Variants in ADGRL2 observed in about 807,000 individuals in gnomAD.
The protein encoded by ADGRL2 is adhesion G protein-coupled receptor L2.
ADGRL2 carries 44 observed loss-of-function variants against 157.4 expected under a neutral mutation model. The observed-to-expected ratio is 0.28, with a 90% confidence interval of 0.22 to 0.36. ADGRL2 has a LOEUF of 0.36. Among genes scored for constraint, ADGRL2 ranks in the 10% least tolerant of loss-of-function variants. The probability of loss-of-function intolerance (pLI) is 1.00; values close to 1 mark genes in which losing one functional copy is unlikely to be tolerated. For missense variants in ADGRL2, 1,510 were observed against 1,768.9 expected (o/e 0.85, Z 2.63); for synonymous variants, 585 against 624.7 (o/e 0.94, Z 0.95).
chr1:81,497,601 T>A (rs933816172), intron 2 of ADGRL2, among the ~76,000 whole-genome samples: 2 of 152,190 alleles, frequency 1.3e-5, no homozygotes, highest in Non-Finnish European at 2.9e-5. Flanking sequence ...ATATCTAGAT[T>A]CAAATCCTAG....
At chr1:81,662,281 A>C (rs1428977250) in intron 3 of ADGRL2, among the ~76,000 whole-genome samples, 2 of 138,732 alleles carry the variant, frequency 1.4e-5, no homozygotes, top group Non-Finnish European at 3.0e-5. Context: ...CTTGAGACAG[A>C]GTCTCACTCT....
At chr1:81,787,364 T>C (rs1353248537) in intron 2 of ADGRL2, among the ~76,000 whole-genome samples, 3 of 152,104 alleles carry the variant, frequency 2.0e-5, no homozygotes, top group Admixed American at 2.0e-4. Flanking sequence ...ACTGAACAAG[T>C]CACATAAAAA....
intron 2 of ADGRL2, among the ~76,000 whole-genome samples, chr1:81,547,180 C>A (rs1323561744): frequency 6.6e-6 from 1 of 152,176 alleles, no homozygotes; most frequent in Non-Finnish European, 1.5e-5. Context: ...CTCAGAAAAG[C>A]TACCATACCA....
intron 1 of ADGRL2, among the ~76,000 whole-genome samples, chr1:81,351,464 A>G (rs908707302): frequency 1.3e-5 from 2 of 152,158 alleles, no homozygotes; most frequent in Non-Finnish European, 2.9e-5. Context: ...GTATTATGAC[A>G]AGGATGATAA....
At chr1:81,499,375 A>C (rs1160395601) in intron 2 of ADGRL2, among the ~76,000 whole-genome samples, 1 of 152,260 alleles carries the variant, frequency 6.6e-6, no homozygotes, top group Non-Finnish European at 1.5e-5. Context: ...AGAAGCCTAT[A>C]TGGTAAGGAC....
chr1:81,477,387 A>G, intron 2 of ADGRL2, among the ~76,000 whole-genome samples: 1 of 152,258 alleles, frequency 6.6e-6, no homozygotes, highest in East Asian at 1.9e-4. Context: ...ATGTGGATTC[A>G]TTCTGTTTCT....
At chr1:81,917,281 G>T (rs1465951924) in intron 3 of ADGRL2, among the ~76,000 whole-genome samples, 1 of 152,098 alleles carries the variant, frequency 6.6e-6, no homozygotes, top group Non-Finnish European at 1.5e-5. Context: ...TACCTACTTT[G>T]TACATTATCT....
At chr1:81,756,945 T>C (rs1220665515) in intron 1 of ADGRL2, among the ~76,000 whole-genome samples, 1 of 152,168 alleles carries the variant, frequency 6.6e-6, no homozygotes, top group African/African-American at 2.4e-5. Flanking sequence ...CTGTTATTCA[T>C]GACATAAGGA....
At chr1:81,603,428 T>C (rs536671623) in intron 3 of ADGRL2, among the ~76,000 whole-genome samples, 24 of 152,346 alleles carry the variant, frequency 1.6e-4, no homozygotes, top group South Asian at 1.2e-3. Context: ...CCAGAAAATA[T>C]AGATGCATAG....
rs185705362 is a variant in ADGRL2, at chr1:81,879,817, A to G, written c.74-27200A>G. Among the ~76,000 whole-genome samples the G allele has an allele frequency of 2.0e-3, 303 of 152,164 alleles. 1 individual carries two copies. The highest frequency in any genetic ancestry group is 3.8e-3 in the Admixed American group (58 of 15,284). On this transcript the variant is annotated intron_variant, in intron 2 of 23. Transcript: ENST00000686636. Reference sequence around the variant, plus strand: ...ACTTGAGGCCAGGAGTCCTGAGGCCAGGAGTTTGAGACCAGCCTGGCCAAT... The same window carrying G: ...ACTTGAGGCCAGGAGTCCTGAGGCCGGGAGTTTGAGACCAGCCTGGCCAAT...
chr1:81,418,164 C>T (rs1308433737), intron 1 of ADGRL2, among the ~76,000 whole-genome samples: 1 of 151,928 alleles, frequency 6.6e-6, no homozygotes. Context: ...ATGGAATGAA[C>T]CAGAATATCT....
chr1:81,861,051 T>C (rs2093372492), intron 2 of ADGRL2, among the ~76,000 whole-genome samples: 2 of 148,644 alleles, frequency 1.3e-5, no homozygotes, highest in African/African-American at 4.9e-5. Context: ...AGTTTTGCTC[T>C]TGTCGCCCAG....
chr1:81,578,210 G>C (rs1431619144), intron 2 of ADGRL2, among the ~76,000 whole-genome samples: 1 of 152,144 alleles, frequency 6.6e-6, no homozygotes, highest in African/African-American at 2.4e-5. Flanking sequence ...CACAGGTAAT[G>C]CTTGTCAGAA....
intron 2 of ADGRL2, among the ~76,000 whole-genome samples, chr1:81,867,028 T>A (rs2093561074): frequency 6.6e-6 from 1 of 152,132 alleles, no homozygotes; most frequent in Non-Finnish European, 1.5e-5. Flanking sequence ...TTATCTGTGA[T>A]TACAAATAAA....
intron 1 of ADGRL2, among the ~76,000 whole-genome samples, chr1:81,346,120 A>T (rs1390461066): frequency 6.6e-6 from 1 of 152,212 alleles, no homozygotes; most frequent in Non-Finnish European, 1.5e-5. Context: ...TATTAGAAAT[A>T]TTGACAGGTA....
chr1:81,862,325 C>T (rs2093415597), intron 2 of ADGRL2, among the ~76,000 whole-genome samples: 1 of 152,068 alleles, frequency 6.6e-6, no homozygotes, highest in African/African-American at 2.4e-5. Flanking sequence ...AAAAAAAGCA[C>T]AACTGATTCA....
intron 17 of ADGRL2, among the ~76,000 whole-genome samples, chr1:81,974,736 A>C (rs1295039424): frequency 6.6e-6 from 1 of 151,564 alleles, no homozygotes; most frequent in Non-Finnish European, 1.5e-5. Flanking sequence ...GTTGATGACC[A>C]TAAAACAAAC....
intron 2 of ADGRL2, among the ~76,000 whole-genome samples, chr1:81,564,540 A>C (rs1170977973): frequency 6.6e-6 from 1 of 152,196 alleles, no homozygotes; most frequent in Admixed American, 6.5e-5. Flanking sequence ...CTTAGGGCAA[A>C]CCAGAGAATG....
At chr1:81,861,450 AG>A (rs2150780776) in intron 2 of ADGRL2, among the ~76,000 whole-genome samples, 2 of 152,370 alleles carry the variant, frequency 1.3e-5, no homozygotes, top group South Asian at 4.1e-4. Context: ...AAGAGATGTC[AG>A]AATATCATGG....
Sources: allele counts gnomAD v4.1 joint callset (sites outside exome capture counted in the v4.1 genomes callset), GRCh38; gene constraint gnomAD v4.1.1; transcripts MANE v1.5; gene names NCBI Gene and HGNC (gene_info 2026-07-23, HGNC 2026-07-21).